CDC42SE2: variants seen among roughly 807,000 people sequenced by gnomAD.
The protein encoded by CDC42SE2 is CDC42 small effector protein 2.
CDC42SE2 carries 3 observed loss-of-function variants against 11.5 expected under a neutral mutation model. That is an observed-to-expected ratio of 0.26 (90% CI 0.12 to 0.67). CDC42SE2 has a LOEUF of 0.67. CDC42SE2 is among the 30% of genes least tolerant of loss of function. The pLI is 0.80. For missense variants in CDC42SE2, 82 were observed against 106.8 expected, an observed-to-expected ratio of 0.77 and a Z score of 1.02; for synonymous variants, 33 against 34.8, an observed-to-expected ratio of 0.95 and a Z score of 0.18.
chr5:131,252,361 A>G (rs748109734), intron 1 of CDC42SE2, among the ~76,000 whole-genome samples: 19 of 152,300 alleles, frequency 1.2e-4, no homozygotes, highest in South Asian at 8.3e-4. Flanking sequence ...AATAAAGTCA[A>G]ACTCCTTATC....
chr5:131,380,274 TC>T lies in CDC42SE2; in HGVS notation c.55-5267del, dbSNP rs369004961. Among the ~76,000 whole-genome samples, 161 of 152,232 alleles carry T rather than the reference TC, an allele frequency of 1.1e-3. 1 individual carries two copies. The highest frequency in any genetic ancestry group is 3.3e-3 in the African/African-American group (139 of 41,554). ...AAAACCCTTGCCCCCCTCCCACTCT[TC>T]CAGAGCCCCAAGTCCATTTGATCAT... On this transcript the variant is annotated intron_variant, in intron 3 of 4. Coordinates refer to ENST00000505065, the MANE Select transcript of CDC42SE2 (RefSeq NM_001375635.1).
At chr5:131,236,112 C>T in the CDC42SE2 span, among the ~76,000 whole-genome samples, 1 of 152,034 alleles carries the variant, frequency 6.6e-6, no homozygotes. Flanking sequence ...TTGTGTTTAT[C>T]ATATTAATTG....
At chr5:131,339,630 A>T (rs566595762) in intron 2 of CDC42SE2, among the ~76,000 whole-genome samples, 1 of 152,020 alleles carries the variant, frequency 6.6e-6, no homozygotes, top group South Asian at 2.1e-4. Context: ...AACATAGTGG[A>T]ACCCCATCTC....
intron 1 of CDC42SE2, among the ~76,000 whole-genome samples, chr5:131,302,531 G>A (rs551585731): frequency 1.3e-5 from 2 of 152,000 alleles, no homozygotes; most frequent in Non-Finnish European, 2.9e-5. Context: ...GGCCGGGCTG[G>A]TCTTGAACTC....
At chr5:131,234,697 G>A in the CDC42SE2 span, among the ~76,000 whole-genome samples, 1 of 151,974 alleles carries the variant, frequency 6.6e-6, no homozygotes, top group Non-Finnish European at 1.5e-5. Flanking sequence ...TTTGTTATGG[G>A]AATTGGCTCA....
intron 1 of CDC42SE2, among the ~76,000 whole-genome samples, chr5:131,280,500 A>G (rs1757216743): frequency 6.6e-6 from 1 of 152,230 alleles, no homozygotes; most frequent in African/African-American, 2.4e-5. Context: ...TTTGACGAGG[A>G]TAAAGCTGTA....
At chr5:131,380,343 C>T (rs577724130) in intron 3 of CDC42SE2, among the ~76,000 whole-genome samples, 7 of 152,120 alleles carry the variant, frequency 4.6e-5, no homozygotes, top group African/African-American at 1.4e-4. Context: ...GACAGGGTTT[C>T]GCCATGTTGG....
chr5:131,216,635 G>C, the CDC42SE2 span, among the ~76,000 whole-genome samples: 1 of 151,172 alleles, frequency 6.6e-6, no homozygotes, highest in Admixed American at 6.6e-5. Flanking sequence ...CTTTAATTTA[G>C]CTAGAGGACA....
chr5:131,225,207 C>A, the CDC42SE2 span, among the ~76,000 whole-genome samples: 2 of 152,166 alleles, frequency 1.3e-5, no homozygotes, highest in Admixed American at 6.5e-5. Flanking sequence ...ATGTAACAAC[C>A]TCTAAAAACC....
chr5:131,332,136 G>A (rs1758432240), intron 2 of CDC42SE2, among the ~76,000 whole-genome samples: 1 of 151,896 alleles, frequency 6.6e-6, no homozygotes. Context: ...CTCCACAACA[G>A]TCCCCGGTGT....
chr5:131,268,539 A>G (rs1003648774), intron 1 of CDC42SE2, among the ~76,000 whole-genome samples: 1 of 146,152 alleles, frequency 6.8e-6, no homozygotes, highest in Admixed American at 6.9e-5. Context: ...TGCAACCTCC[A>G]CCTCCCCGGT....
intron 2 of CDC42SE2, among the ~76,000 whole-genome samples, chr5:131,335,052 T>C (rs1758520800): frequency 6.6e-6 from 1 of 152,160 alleles, no homozygotes; most frequent in African/African-American, 2.4e-5. Flanking sequence ...CTTTTAATTG[T>C]GATGTTAGGG....
At chr5:131,238,600 C>T in the CDC42SE2 span, among the ~76,000 whole-genome samples, 7 of 150,604 alleles carry the variant, frequency 4.6e-5, no homozygotes, top group East Asian at 5.8e-4. Context: ...ACATGTATCC[C>T]GGAACTTAAA....
intron 3 of CDC42SE2, among the ~76,000 whole-genome samples, chr5:131,359,989 G>A (rs759003871): frequency 3.3e-5 from 5 of 152,036 alleles, no homozygotes; most frequent in Non-Finnish European, 7.4e-5. Context: ...GTTGAAACAG[G>A]TTCAGTTTTT....
intron 3 of CDC42SE2, among the ~76,000 whole-genome samples, chr5:131,381,431 C>T (rs1481638478): frequency 6.6e-6 from 1 of 151,940 alleles, no homozygotes; most frequent in African/African-American, 2.4e-5. Flanking sequence ...TCAAACGATT[C>T]TCCTGTCTCT....
chr5:131,348,556 G>T (rs1758914724), intron 2 of CDC42SE2, among the ~76,000 whole-genome samples: 2 of 152,082 alleles, frequency 1.3e-5, no homozygotes. Flanking sequence ...CATGAAAATG[G>T]CCGTACTGCC....
upstream of CDC42SE2, among the ~76,000 whole-genome samples, chr5:131,260,945 CA>C (rs112433426): frequency 1.6e-3 from 249 of 152,232 alleles, no homozygotes; most frequent in African/African-American, 5.7e-3. Flanking sequence ...AAAAACAAAA[CA>C]AAAACAAAAA....
chr5:131,281,161 C>A (rs1757230722), intron 1 of CDC42SE2, among the ~76,000 whole-genome samples: 1 of 152,150 alleles, frequency 6.6e-6, no homozygotes, highest in Non-Finnish European at 1.5e-5. Flanking sequence ...TGATGTCTTG[C>A]CTTCATTTTT....
chr5:131,309,862 G>T (rs944197045), intron 1 of CDC42SE2, among the ~76,000 whole-genome samples: 1 of 151,562 alleles, frequency 6.6e-6, no homozygotes, highest in Non-Finnish European at 1.5e-5. Flanking sequence ...TCTTGCTAGC[G>T]GTCTATCAAT....
Sources: allele counts gnomAD v4.1 joint callset (sites outside exome capture counted in the v4.1 genomes callset), GRCh38; gene constraint gnomAD v4.1.1; transcripts MANE v1.5; gene names NCBI Gene and HGNC (gene_info 2026-07-23, HGNC 2026-07-21).